PATJ: variants seen among roughly 807,000 people sequenced by gnomAD.
PATJ encodes the protein inaD-like protein.
A neutral mutation model predicts 224.9 loss-of-function variants in PATJ; 190 were observed. That is an observed-to-expected ratio of 0.84 (90% CI 0.75 to 0.95). The LOEUF (loss-of-function observed/expected upper bound fraction) is 0.95, where lower values mean the gene tolerates loss of function less well. PATJ is among the 40% of genes least tolerant of loss of function. The probability of loss-of-function intolerance (pLI) is 0.00; values close to 1 mark genes in which losing one functional copy is unlikely to be tolerated. For missense variants in PATJ, 2,121 were observed against 2,270.3 expected (o/e 0.93, Z 1.34); for synonymous variants, 769 against 820.3 (o/e 0.94, Z 1.07).
intron 41 of PATJ, among the ~76,000 whole-genome samples, chr1:62,147,487 T>C (rs1570809672): frequency 6.6e-6 from 1 of 151,946 alleles, no homozygotes; most frequent in African/African-American, 2.4e-5. Context: ...TGGCAAAAAC[T>C]CCCTCTACAA....
At chr1:61,852,254 CAGAAG>C in intron 17 of PATJ, among the ~76,000 whole-genome samples, 1 of 151,940 alleles carries the variant, frequency 6.6e-6, no homozygotes, top group South Asian at 2.1e-4. Flanking sequence ...AAAATTCCTT[CAGAAG>C]AGAATGGCTC....
At chr1:61,901,526 T>C (rs1414303856) in intron 24 of PATJ, 67 bp downstream of exon 24, 2 of 1,178,766 alleles carry the variant, frequency 1.7e-6, no homozygotes, top group Non-Finnish European at 2.4e-6. Context: ...ATCATTTAGC[T>C]AGAAGACCTT....
intron 31 of PATJ, among the ~76,000 whole-genome samples, chr1:62,055,698 A>G (rs1028998146): frequency 3.9e-5 from 6 of 152,354 alleles, no homozygotes; most frequent in Non-Finnish European, 8.8e-5. Context: ...TGAAGCATTA[A>G]GATATAACTT....
intron 26 of PATJ, among the ~76,000 whole-genome samples, chr1:61,916,289 G>A (rs1338086790): frequency 6.6e-5 from 10 of 151,962 alleles, no homozygotes; most frequent in Admixed American, 6.6e-5. Flanking sequence ...GTGTCTTTGT[G>A]TGTCTGCTCC....
chr1:62,107,293 G>A (rs543065615), intron 33 of PATJ, among the ~76,000 whole-genome samples: 5 of 149,004 alleles, frequency 3.4e-5, no homozygotes, highest in Non-Finnish European at 5.9e-5. Context: ...GCGACAGAGT[G>A]AGAGTCCATC....
chr1:62,148,141 A>T (rs1668254587), intron 41 of PATJ, 143 bp from the exon 42 acceptor site: 9 of 471,904 alleles, frequency 1.9e-5, no homozygotes, highest in East Asian at 3.2e-5. Flanking sequence ...AAAAAAAAAA[A>T]GTTTGAGAGA....
rs1570389011 is a variant in PATJ, at chr1:61,771,538, G to T, written c.632G>T (p.Gly211Val). 1 of 1,612,968 alleles carries T rather than the reference G, an allele frequency of 6.2e-7. No individual in the cohort carries two copies. The highest frequency in any genetic ancestry group is 8.5e-7 in the Non-Finnish European group (1 of 1,179,616). The change falls in exon 6 of 44, where the codon GGA (glycine) becomes GTA (valine). Residue 211 changes from glycine to valine, a missense_variant. Physicochemically the swap from Gly to Val is moderately radical, Grantham distance 109. Coordinates refer to ENST00000642238, the MANE Select transcript of PATJ (RefSeq NM_001350145.3). ...QAIALLQQTT[G>V]SLRLIVAREP... Reference sequence around the variant, plus strand: ...ATTGCATTATTACAACAAACCACTGGATCTTTGAGACTGATTGTGGCCAGG... The same window carrying T: ...ATTGCATTATTACAACAAACCACTGTATCTTTGAGACTGATTGTGGCCAGG...
chr1:61,779,603 C>A (rs1647133237), intron 7 of PATJ, among the ~76,000 whole-genome samples: 1 of 152,168 alleles, frequency 6.6e-6, no homozygotes, highest in Non-Finnish European at 1.5e-5. Context: ...AACTGTTATA[C>A]CATCATTACC....
At chr1:62,061,598 G>A (rs1655447664) in intron 31 of PATJ, among the ~76,000 whole-genome samples, 1 of 152,258 alleles carries the variant, frequency 6.6e-6, no homozygotes, top group South Asian at 2.1e-4. Context: ...TCCATGTTGT[G>A]GCAAAGAACA....
chr1:61,949,109 TAATGTA>T (rs1439389326), intron 27 of PATJ, among the ~76,000 whole-genome samples: 1 of 151,504 alleles, frequency 6.6e-6, no homozygotes, highest in African/African-American at 2.4e-5. Flanking sequence ...GAGATATACC[TAATGTA>T]AATGACAAGT....
intron 26 of PATJ, among the ~76,000 whole-genome samples, chr1:61,925,601 T>C (rs1675073878): frequency 6.6e-6 from 1 of 152,222 alleles, no homozygotes; most frequent in Admixed American, 6.5e-5. Context: ...AGCTCATGAA[T>C]TGCATCTCTG....
intron 29 of PATJ, among the ~76,000 whole-genome samples, chr1:62,030,802 ATTAACATAACATTTT>A (rs1274505836): frequency 4.6e-5 from 7 of 152,140 alleles, no homozygotes; most frequent in Non-Finnish European, 8.8e-5. Flanking sequence ...GGTTTCTTTC[ATTAACATAACATTTT>A]TGAGATTTAT....
chr1:61,929,054 G>A (rs999043158), intron 27 of PATJ, among the ~76,000 whole-genome samples: 15 of 152,212 alleles, frequency 9.9e-5, no homozygotes, highest in African/African-American at 3.1e-4. Context: ...TGGGAATAAA[G>A]TGTGATAAGT....
At chr1:62,134,856 C>G (rs1666658472) in intron 41 of PATJ, among the ~76,000 whole-genome samples, 1 of 151,992 alleles carries the variant, frequency 6.6e-6, no homozygotes, top group South Asian at 2.1e-4. Context: ...AGCTGAAGGA[C>G]ATGAACTAAT....
intron 17 of PATJ, among the ~76,000 whole-genome samples, chr1:61,837,025 C>G (rs1280549683): frequency 1.3e-5 from 2 of 152,192 alleles, no homozygotes; most frequent in Non-Finnish European, 2.9e-5. Context: ...AGTTTAACCA[C>G]TTTTCTCATG....
intron 1 of PATJ, among the ~76,000 whole-genome samples, chr1:61,747,091 T>C (rs1456938305): frequency 6.6e-6 from 1 of 152,236 alleles, no homozygotes; most frequent in Admixed American, 6.5e-5. Context: ...TGGGATTTAA[T>C]TTGTTCACTT....
intron 39 of PATJ, among the ~76,000 whole-genome samples, chr1:62,124,429 A>G (rs1665461879): frequency 6.6e-6 from 1 of 152,208 alleles, no homozygotes; most frequent in Non-Finnish European, 1.5e-5. Context: ...TGAGGGGTTC[A>G]AGAAGAAATA....
intron 29 of PATJ, among the ~76,000 whole-genome samples, chr1:62,034,831 A>C (rs1650060098): frequency 6.6e-6 from 1 of 152,220 alleles, no homozygotes; most frequent in Admixed American, 6.5e-5. Flanking sequence ...AAAATCATTA[A>C]ATTGTGAAGG....
chr1:62,048,738 C>T (rs978335030), intron 30 of PATJ, among the ~76,000 whole-genome samples: 13 of 151,964 alleles, frequency 8.6e-5, no homozygotes, highest in Admixed American at 5.9e-4. Context: ...ACTTTAAAAA[C>T]AAGTTAAGTT....
Sources: gnomAD v4.1 joint callset for allele counts (sites outside exome capture counted in the v4.1 genomes callset) on GRCh38, gnomAD v4.1.1 for gene constraint, MANE v1.5 for transcripts, NCBI Gene and HGNC (gene_info 2026-07-23, HGNC 2026-07-21) for gene names.